The following TENM3 variants were observed in gnomAD, a reference collection of about 807,000 sequenced individuals.
The protein encoded by TENM3 is teneurin transmembrane protein 3.
Under a neutral mutation model 255.1 loss-of-function variants are expected in TENM3, and 63 were observed. The ratio of observed to expected loss-of-function variants is 0.25; its 90% confidence interval spans 0.20 to 0.30. The LOEUF is 0.30. Among genes scored for constraint, TENM3 ranks in the 10% least tolerant of loss-of-function variants. The probability of loss-of-function intolerance (pLI) is 1.00; values close to 1 mark genes in which losing one functional copy is unlikely to be tolerated. For missense variants in TENM3, 2,929 were observed against 3,461.1 expected (o/e 0.85, Z 3.86); for synonymous variants, 1,306 against 1,322.3 (o/e 0.99, Z 0.27).
the TENM3 span, among the ~76,000 whole-genome samples, chr4:181,951,368 T>G: frequency 1.3e-5 from 2 of 152,128 alleles, no homozygotes; most frequent in African/African-American, 4.8e-5. Context: ...CTAGAGCATA[T>G]CAGAAGTGCT....
At chr4:182,595,616 A>T (rs1164537335) in intron 3 of TENM3, among the ~76,000 whole-genome samples, 1 of 152,212 alleles carries the variant, frequency 6.6e-6, no homozygotes, top group African/African-American at 2.4e-5. Context: ...TTATATGAGC[A>T]GTGGGACCTT....
chr4:181,498,618 C>G, the TENM3 span, among the ~76,000 whole-genome samples: 2 of 152,274 alleles, frequency 1.3e-5, no homozygotes, highest in South Asian at 2.1e-4. Flanking sequence ...CTGTGTTGCT[C>G]CAGCGTTTAG....
chr4:181,970,807 T>C, the TENM3 span, among the ~76,000 whole-genome samples: 5 of 152,192 alleles, frequency 3.3e-5, no homozygotes, highest in Admixed American at 3.3e-4. Context: ...TTTCATACCA[T>C]GTATCTGGGG....
the TENM3 span, among the ~76,000 whole-genome samples, chr4:181,519,544 A>G: frequency 6.2e-4 from 94 of 152,328 alleles, no homozygotes; most frequent in African/African-American, 2.0e-3. Context: ...TAAAAATGCT[A>G]TGATTACGAT....
intron 3 of TENM3, among the ~76,000 whole-genome samples, chr4:182,389,242 A>G (rs763841246): frequency 9.2e-5 from 14 of 152,140 alleles, no homozygotes; most frequent in Non-Finnish European, 4.4e-5. Context: ...GTTTCCACTA[A>G]TCTGATCCCT....
chr4:182,442,691 A>G (rs1772583502), intron 3 of TENM3, among the ~76,000 whole-genome samples: 1 of 152,060 alleles, frequency 6.6e-6, no homozygotes, highest in East Asian at 1.9e-4. Flanking sequence ...TCCGAGGCTC[A>G]AGTGATCCTC....
At chr4:182,538,079 A>G (rs1256787622) in intron 3 of TENM3, among the ~76,000 whole-genome samples, 2 of 152,232 alleles carry the variant, frequency 1.3e-5, no homozygotes, top group Non-Finnish European at 1.5e-5. Flanking sequence ...TTAAATATAT[A>G]CATTAATTAG....
the TENM3 span, among the ~76,000 whole-genome samples, chr4:181,515,420 C>T: frequency 1.3e-5 from 2 of 152,094 alleles, no homozygotes; most frequent in Non-Finnish European, 2.9e-5. Flanking sequence ...GACCCTTCTC[C>T]AATTTGCATT....
chr4:182,465,475 C>T (rs1400829788), intron 3 of TENM3, among the ~76,000 whole-genome samples: 9 of 152,140 alleles, frequency 5.9e-5, no homozygotes, highest in East Asian at 3.9e-4. Flanking sequence ...GCACCTTGAA[C>T]GTGGATTTCC....
chr4:182,702,694 C>CA (rs1462574583), intron 12 of TENM3, among the ~76,000 whole-genome samples: 2 of 151,310 alleles, frequency 1.3e-5, no homozygotes, highest in Non-Finnish European at 2.9e-5. Context: ...TAGTAAGCAA[C>CA]AAAATCAGAA....
chr4:181,612,295 G>T, the TENM3 span, among the ~76,000 whole-genome samples: 1,120 of 152,234 alleles, frequency 7.4e-3, 9 homozygotes, highest in Non-Finnish European at 0.012. Context: ...GGACTTCTCT[G>T]TATTTATATA....
chr4:182,035,548 C>T, the TENM3 span, among the ~76,000 whole-genome samples: 1 of 152,230 alleles, frequency 6.6e-6, no homozygotes, highest in East Asian at 1.9e-4. Context: ...AAAATTCTGC[C>T]TGTTTGACAT....
At chr4:182,510,478 G>A (rs191057297) in intron 3 of TENM3, among the ~76,000 whole-genome samples, 1 of 152,116 alleles carries the variant, frequency 6.6e-6, no homozygotes, top group African/African-American at 2.4e-5. Context: ...ATCTTTTAAG[G>A]GTTAACCTCT....
the TENM3 span, among the ~76,000 whole-genome samples, chr4:181,523,999 T>C: frequency 1.3e-5 from 2 of 152,206 alleles, no homozygotes; most frequent in Non-Finnish European, 2.9e-5. Flanking sequence ...TCTTCCTTTT[T>C]CCTCTCCATC....
At chr4:182,446,117 G>C (rs181381443) in intron 3 of TENM3, among the ~76,000 whole-genome samples, 6 of 152,318 alleles carry the variant, frequency 3.9e-5, no homozygotes, top group Admixed American at 3.9e-4. Flanking sequence ...AATAGAAATT[G>C]TTTAAAACCA....
chr4:182,226,555 C>T (rs1579801884), intron 1 of TENM3, among the ~76,000 whole-genome samples: 3 of 152,014 alleles, frequency 2.0e-5, no homozygotes, highest in East Asian at 1.9e-4. Flanking sequence ...TAAGTAACTG[C>T]GTTACATAAA....
At chr4:181,496,762 G>C in the TENM3 span, among the ~76,000 whole-genome samples, 1 of 152,114 alleles carries the variant, frequency 6.6e-6, no homozygotes, top group Non-Finnish European at 1.5e-5. Flanking sequence ...GGACCTCTAA[G>C]TGTTACCATT....
chr4:182,717,565 G>A (rs1020679851), intron 13 of TENM3, among the ~76,000 whole-genome samples: 11 of 152,120 alleles, frequency 7.2e-5, no homozygotes, highest in Non-Finnish European at 1.3e-4. Flanking sequence ...CCAAATAGAG[G>A]CTTTGGGAGC....
intron 1 of TENM3, among the ~76,000 whole-genome samples, chr4:182,174,952 T>TTTAAA (rs1388495818): frequency 1.3e-5 from 2 of 151,676 alleles, no homozygotes; most frequent in African/African-American, 4.8e-5. Context: ...AACTGAAATA[T>TTTAAA]TTGTTACATA....
Sources: gnomAD v4.1 joint callset for allele counts (sites outside exome capture counted in the v4.1 genomes callset) on GRCh38, gnomAD v4.1.1 for gene constraint, MANE v1.5 for transcripts, NCBI Gene and HGNC (gene_info 2026-07-23, HGNC 2026-07-21) for gene names.